The following LRRC37A variants were observed in gnomAD, a reference collection of about 807,000 sequenced individuals.
The protein encoded by LRRC37A is leucine-rich repeat-containing protein 37A.
A neutral mutation model predicts 35.4 loss-of-function variants in LRRC37A; 3 were observed. The observed-to-expected ratio is 0.08, with a 90% CI of 0.04 to 0.22. The LOEUF (loss-of-function observed/expected upper bound fraction) is 0.22, where lower values mean the gene tolerates loss of function less well. Among genes scored for constraint, LRRC37A ranks in the 10% least tolerant of loss-of-function variants. The pLI is 1.00. For synonymous variants in LRRC37A, 23 were observed against 215.0 expected (o/e 0.11, Z 7.81); for missense variants, 67 against 565.3 (o/e 0.12, Z 8.94).
At chr17:46,270,952 T>C in the LRRC37A span, among the ~76,000 whole-genome samples, 1 of 152,198 alleles carries the variant, frequency 6.6e-6, no homozygotes, top group Non-Finnish European at 1.5e-5. Flanking sequence ...TTGAATTTGG[T>C]TCAAATTGGA....
the LRRC37A span, among the ~76,000 whole-genome samples, chr17:46,284,275 C>A: frequency 6.6e-6 from 1 of 152,246 alleles, no homozygotes; most frequent in African/African-American, 2.4e-5. Context: ...GGCAGAGGTC[C>A]CTGCGGCCTT....
chr17:46,259,974 A>G, the LRRC37A span: 3 of 1,579,112 alleles, frequency 1.9e-6, no homozygotes, highest in South Asian at 2.3e-5. Flanking sequence ...GCCACTCCAC[A>G]GCCACCTGCT....
At chr17:46,274,298 T>C in the LRRC37A span, among the ~76,000 whole-genome samples, 3 of 152,268 alleles carry the variant, frequency 2.0e-5, no homozygotes, top group African/African-American at 7.2e-5. Flanking sequence ...AGAAGATACC[T>C]TCAAATAGAT....
the LRRC37A span, among the ~76,000 whole-genome samples, chr17:46,271,333 T>A: frequency 2.4e-5 from 1 of 42,048 alleles, no homozygotes; most frequent in Non-Finnish European, 6.0e-5. Flanking sequence ...ACCTAGCTAA[T>A]TTTTTTTTTT....
the LRRC37A span, among the ~76,000 whole-genome samples, chr17:46,258,058 T>A: frequency 6.6e-6 from 1 of 152,174 alleles, no homozygotes; most frequent in Non-Finnish European, 1.5e-5. Context: ...AGTTCCTTAC[T>A]GAATATTGGT....
At chr17:46,259,894 T>G in the LRRC37A span, 1 of 1,570,554 alleles carries the variant, frequency 6.4e-7, no homozygotes, top group Middle Eastern at 2.2e-4. Flanking sequence ...CTGGCTGCCC[T>G]CTGGCTGTGG....
chr17:46,276,712 A>T, the LRRC37A span, among the ~76,000 whole-genome samples: 2 of 152,166 alleles, frequency 1.3e-5, no homozygotes, highest in East Asian at 3.8e-4. Context: ...AAATCTGGAA[A>T]GCAATAGAAA....
At chr17:46,268,768 G>C in the LRRC37A span, 1 of 1,111,602 alleles carries the variant, frequency 9.0e-7, no homozygotes, top group Non-Finnish European at 1.2e-6. Context: ...TTCATGTAAT[G>C]GGTCCTCCTT....
chr17:46,284,582 G>A, the LRRC37A span, among the ~76,000 whole-genome samples: 1 of 152,204 alleles, frequency 6.6e-6, no homozygotes, highest in Admixed American at 6.5e-5. Flanking sequence ...TTTCCCCACA[G>A]TGTGGGGGGT....
the LRRC37A span, among the ~76,000 whole-genome samples, chr17:46,280,952 C>G: frequency 3.9e-5 from 6 of 152,204 alleles, no homozygotes; most frequent in African/African-American, 1.2e-4. Flanking sequence ...TGTATTTATT[C>G]TGACTTTACT....
the LRRC37A span, among the ~76,000 whole-genome samples, chr17:46,283,898 CAAGGTA>C: frequency 1.3e-5 from 2 of 152,230 alleles, no homozygotes; most frequent in African/African-American, 4.8e-5. Flanking sequence ...GCATCATAGA[CAAGGTA>C]AAGAATTAAG....
chr17:46,256,894 C>T, the LRRC37A span, among the ~76,000 whole-genome samples: 13 of 152,296 alleles, frequency 8.5e-5, no homozygotes, highest in South Asian at 1.2e-3. Flanking sequence ...GTGAAGAAGG[C>T]GGCTATGATT....
intron 5 of LRRC37A, among the ~76,000 whole-genome samples, chr17:46,314,800 T>C (rs1483812140): frequency 1.2e-5 from 1 of 82,230 alleles, no homozygotes; most frequent in Non-Finnish European, 3.7e-5. Flanking sequence ...TGGTCTGTAA[T>C]TTTTTGTGTG....
At chr17:46,253,354 G>A in the LRRC37A span, among the ~76,000 whole-genome samples, 61 of 152,154 alleles carry the variant, frequency 4.0e-4, no homozygotes, top group African/African-American at 1.4e-3. Flanking sequence ...GGTGGCGGCC[G>A]GGCAGAGGCT....
At chr17:46,254,496 A>T in the LRRC37A span, among the ~76,000 whole-genome samples, 18,732 of 149,812 alleles carry the variant, frequency 0.13, 10 homozygotes, top group Middle Eastern at 0.2. Flanking sequence ...CTCCTACCTT[A>T]GCCTCCTGAG....
At chr17:46,253,287 G>A in the LRRC37A span, among the ~76,000 whole-genome samples, 1 of 150,238 alleles carries the variant, frequency 6.7e-6, no homozygotes, top group Non-Finnish European at 1.5e-5. Flanking sequence ...GGGCAGAGAC[G>A]CTCCTCCCTT....
the LRRC37A span, among the ~76,000 whole-genome samples, chr17:46,248,059 A>G: frequency 5.3e-5 from 8 of 151,872 alleles, no homozygotes; most frequent in African/African-American, 1.9e-4. Flanking sequence ...GGTTCATATC[A>G]TGAATGTTTC....
At chr17:46,314,801 T>A (rs1353764263) in intron 5 of LRRC37A, among the ~76,000 whole-genome samples, 1 of 82,150 alleles carries the variant, frequency 1.2e-5, no homozygotes, top group African/African-American at 3.1e-5. Flanking sequence ...GGTCTGTAAT[T>A]TTTTGTGTGT....
chr17:46,276,695 C>A, the LRRC37A span, among the ~76,000 whole-genome samples: 1 of 152,034 alleles, frequency 6.6e-6, no homozygotes, highest in Non-Finnish European at 1.5e-5. Context: ...ATGTTTCATT[C>A]TACCTTAAAT....
Sources: gnomAD v4.1 joint callset for allele counts (sites outside exome capture counted in the v4.1 genomes callset) on GRCh38, gnomAD v4.1.1 for gene constraint, MANE v1.5 for transcripts, NCBI Gene and HGNC (gene_info 2026-07-23, HGNC 2026-07-21) for gene names.